The following FGD3 variants were observed in gnomAD, a reference collection of about 807,000 sequenced individuals.
FGD3 encodes FYVE, RhoGEF and PH domain-containing protein 3.
A neutral mutation model predicts 71.8 loss-of-function variants in FGD3; 45 were observed. That is an observed-to-expected ratio of 0.63 (90% CI 0.49 to 0.80). The LOEUF is 0.80. Among genes scored for constraint, FGD3 ranks in the 30% least tolerant of loss-of-function variants. The probability of loss-of-function intolerance (pLI) is 0.00; values close to 1 mark genes in which losing one functional copy is unlikely to be tolerated. For missense variants in FGD3, 844 were observed against 951.5 expected (o/e 0.89, Z 1.49); for synonymous variants, 378 against 392.8 (o/e 0.96, Z 0.44).
At chr9:92,996,629 G>A (rs967536207) in intron 3 of FGD3, among the ~76,000 whole-genome samples, 2 of 151,964 alleles carry the variant, frequency 1.3e-5, no homozygotes, top group Admixed American at 6.6e-5. Flanking sequence ...TATAAATTTC[G>A]CTCTACACCC....
chr9:93,007,930 C>T (rs1260884148), intron 6 of FGD3, among the ~76,000 whole-genome samples: 1 of 152,168 alleles, frequency 6.6e-6, no homozygotes, highest in Non-Finnish European at 1.5e-5. Flanking sequence ...CCCGAAGGTC[C>T]ATAGTGCCCA....
chr9:93,023,331 G>T (rs150497325), intron 14 of FGD3, among the ~76,000 whole-genome samples: 1,611 of 152,310 alleles, frequency 0.011, 37 homozygotes, highest in African/African-American at 0.037. Flanking sequence ...CGGGCACTGG[G>T]AAACCATGAA....
In FGD3 at chr9:93,029,611, T is replaced by C. The variant is rs181182190; in HGVS notation, c.1558-263T>C. Among the ~76,000 whole-genome samples the C allele has an allele frequency of 2.9e-3, 445 of 152,334 alleles. 2 individuals are homozygous for C. The highest frequency in any genetic ancestry group is 4.9e-3 in the Non-Finnish European group (335 of 68,032). ...TCTCAGATGCACCAGATAAAGTCATTGGCCAAGTTGTTCCAAACATGAAGA... is the reference window on the plus strand; with the variant it reads ...TCTCAGATGCACCAGATAAAGTCATCGGCCAAGTTGTTCCAAACATGAAGA... On this transcript the variant is annotated intron_variant, in intron 14 of 17. Coordinates refer to ENST00000375482, the MANE Select transcript of FGD3 (RefSeq NM_001083536.2).
chr9:93,027,633 C>T (rs1862162715), intron 14 of FGD3, among the ~76,000 whole-genome samples: 1 of 152,018 alleles, frequency 6.6e-6, no homozygotes, highest in Non-Finnish European at 1.5e-5. Context: ...CCATCACAGC[C>T]TCCAATGCTT....
rs1047138203 is a variant in FGD3, at chr9:93,006,970, G to A, written c.837+790G>A. 5.9e-5 allele frequency among the ~76,000 whole-genome samples: 9 copies of A among 151,786 alleles called. No individual in the cohort carries two copies. In the South Asian group the frequency reaches 8.3e-4, roughly 14 times the overall value. ...TCTCGATCTCCTGACCTCATGATCCGCCCTCCTTGGCCTCTCAAAGTGCTG... is the reference window on the plus strand; with the variant it reads ...TCTCGATCTCCTGACCTCATGATCCACCCTCCTTGGCCTCTCAAAGTGCTG... On this transcript the variant is annotated intron_variant, in intron 6 of 17. Transcript: ENST00000375482.
chr9:92,996,899 A>G (rs1404559704), intron 3 of FGD3, among the ~76,000 whole-genome samples: 2 of 152,176 alleles, frequency 1.3e-5, no homozygotes, highest in African/African-American at 2.4e-5. Flanking sequence ...ACTTCCAACT[A>G]TGTGGTCCAT....
intron 8 of FGD3, among the ~76,000 whole-genome samples, chr9:93,012,145 C>G (rs1450580238): frequency 8.0e-6 from 1 of 124,978 alleles, no homozygotes; most frequent in Non-Finnish European, 1.6e-5. Flanking sequence ...CAGAGCAAGA[C>G]TCTGTCTCAA....
chr9:92,983,908 T>C (rs1260366659), intron 3 of FGD3, among the ~76,000 whole-genome samples: 1 of 152,262 alleles, frequency 6.6e-6, no homozygotes, highest in Non-Finnish European at 1.5e-5. Flanking sequence ...CACATTCTGC[T>C]TTCCCTACAC....
intron 17 of FGD3, 33 bp from the exon 18 acceptor site, chr9:93,035,305 T>A (rs1862552087): frequency 6.3e-7 from 1 of 1,594,168 alleles, no homozygotes. Flanking sequence ...CGGGAAGCTG[T>A]GGCCCCGCTG....
intron 14 of FGD3, among the ~76,000 whole-genome samples, chr9:93,022,808 A>G (rs1327011806): frequency 6.6e-6 from 1 of 152,136 alleles, no homozygotes; most frequent in Admixed American, 6.5e-5. Flanking sequence ...TCGGTAATGC[A>G]GAGGACTGCT....
chr9:92,995,081 C>A (rs1274815362), intron 3 of FGD3, among the ~76,000 whole-genome samples: 1 of 152,058 alleles, frequency 6.6e-6, no homozygotes, highest in Non-Finnish European at 1.5e-5. Context: ...GCCATTTTCA[C>A]AATATTGATT....
intron 1 of FGD3, among the ~76,000 whole-genome samples, chr9:92,960,067 C>T (rs945037024): frequency 6.6e-6 from 1 of 151,778 alleles, no homozygotes; most frequent in African/African-American, 2.4e-5. Context: ...TGTCCTCATG[C>T]CCCATATCTC....
chr9:93,025,996 G>T (rs1357093315), intron 14 of FGD3, among the ~76,000 whole-genome samples: 2 of 152,244 alleles, frequency 1.3e-5, no homozygotes, highest in Non-Finnish European at 2.9e-5. Flanking sequence ...GGCAGTGCCT[G>T]CGCCTCACAG....
At chr9:92,965,156 C>T (rs1587814411) in intron 1 of FGD3, among the ~76,000 whole-genome samples, 1 of 152,284 alleles carries the variant, frequency 6.6e-6, no homozygotes, top group Admixed American at 6.5e-5. Flanking sequence ...CAGAGGGGGC[C>T]CGAGGGGCAG....
rs556775921 is a variant in FGD3 at position 92,977,296 on chromosome 9, G to A, written c.453+587G>A. 3.9e-5 allele frequency among the ~76,000 whole-genome samples: 6 copies of A among 152,264 alleles called. No individual in the cohort carries two copies. The East Asian group carries it at 9.7e-4, about 25-fold the overall frequency. On this transcript the variant is annotated intron_variant, in intron 3 of 17. Coordinates refer to ENST00000375482, the MANE Select transcript of FGD3 (RefSeq NM_001083536.2). Reference sequence around the variant, plus strand: ...GGCTGCATGGAGGGAGTTTGTTTGCGTTCTCATTAGCGTTTATGGGGCTCT... The same window carrying A: ...GGCTGCATGGAGGGAGTTTGTTTGCATTCTCATTAGCGTTTATGGGGCTCT...
intron 3 of FGD3, among the ~76,000 whole-genome samples, chr9:92,985,646 T>G (rs1860161349): frequency 6.8e-6 from 1 of 147,586 alleles, no homozygotes; most frequent in South Asian, 2.1e-4. Context: ...TCCTGGCTAA[T>G]TTTTTGTATT....
intron 14 of FGD3, 80 bp downstream of exon 14, chr9:93,022,469 G>GC: frequency 4.0e-6 from 6 of 1,482,720 alleles, no homozygotes; most frequent in Middle Eastern, 1.8e-4. Context: ...TAGGGAAGAT[G>GC]GAGAGGGAGG....
rs1203326849 is a variant in FGD3, at chr9:93,032,868, A to T, written c.1780A>T (p.Thr594Ser). 1 of 1,614,042 alleles carries T rather than the reference A, an allele frequency of 6.2e-7. No homozygotes were observed. The highest frequency in any genetic ancestry group is 8.5e-7 in the Non-Finnish European group (1 of 1,179,918). Residue 594 changes from threonine to serine, a missense_variant, in exon 16 of 18, where the codon ACA (threonine) becomes TCA (serine). Thr to Ser is a moderately conservative substitution (Grantham distance 58, BLOSUM62 1). Coordinates refer to ENST00000375482, the MANE Select transcript of FGD3 (RefSeq NM_001083536.2). ...FLTQPVAPESTEKTPTADPQP... is the reference protein window; with the variant it reads ...FLTQPVAPESSEKTPTADPQP... ...GACACAGCCAGTGGCCCCTGAGAGC[A>T]CAGAGGTGGGTGCTCCCAGCTCCTG... is the stretch of plus-strand genomic sequence containing the variant.
chr9:93,030,721 G>A (rs1020070928), intron 15 of FGD3, among the ~76,000 whole-genome samples: 7 of 129,958 alleles, frequency 5.4e-5, no homozygotes, highest in Admixed American at 1.5e-4. Flanking sequence ...GGGGCAGCAG[G>A]GGGGGGGGAA....
Sources: gnomAD v4.1 joint callset for allele counts (sites outside exome capture counted in the v4.1 genomes callset) on GRCh38, gnomAD v4.1.1 for gene constraint, MANE v1.5 for transcripts, NCBI Gene and HGNC (gene_info 2026-07-23, HGNC 2026-07-21) for gene names.